Variants in SLA observed in about 807,000 individuals in gnomAD.
SLA encodes Src like adaptor.
SLA carries 16 observed loss-of-function variants against 30.3 expected under a neutral mutation model. The ratio of observed to expected loss-of-function variants is 0.53; its 90% confidence interval spans 0.36 to 0.80. The LOEUF is 0.80. Ranked by LOEUF, SLA falls within the 30% of genes least tolerant of loss-of-function variation. The probability of loss-of-function intolerance (pLI) is 0.01; values close to 1 mark genes in which losing one functional copy is unlikely to be tolerated. For synonymous variants in SLA, 143 were observed against 137.8 expected (o/e 1.04, Z -0.26); for missense variants, 310 against 345.2 (o/e 0.90, Z 0.81).
chr8:133,050,516 C>T (rs1298294831), intron 4 of SLA: 1 of 318,828 alleles, frequency 3.1e-6, no homozygotes. Context: ...TACATAACAT[C>T]AACACTGCAC....
chr8:133,097,057 A>G (rs1160105942), intron 1 of SLA, among the ~76,000 whole-genome samples: 3 of 152,234 alleles, frequency 2.0e-5, no homozygotes, highest in African/African-American at 7.2e-5. Flanking sequence ...AAAGCCTTGT[A>G]GGTGGTCAAG....
intron 2 of SLA, among the ~76,000 whole-genome samples, chr8:133,072,552 G>T (rs1844227823): frequency 6.6e-6 from 1 of 152,198 alleles, no homozygotes; most frequent in Admixed American, 6.5e-5. Context: ...AAATATGCTG[G>T]AAGTTTTGAT....
At chr8:133,044,639 A>G (rs1838960326) in intron 7 of SLA, among the ~76,000 whole-genome samples, 1 of 152,118 alleles carries the variant, frequency 6.6e-6, no homozygotes, top group East Asian at 1.9e-4. Flanking sequence ...AAAAGGGGAA[A>G]TGAGTGGCAC....
At chr8:133,076,092 GA>G (rs1346652078) in intron 1 of SLA, 1 of 152,200 alleles carries the variant, frequency 6.6e-6, no homozygotes, top group Non-Finnish European at 1.5e-5. Flanking sequence ...CTGGAATGCT[GA>G]CCCCAAGATT....
At chr8:133,059,213 A>T (rs1842005683) in intron 3 of SLA, 1 of 448,104 alleles carries the variant, frequency 2.2e-6, no homozygotes, top group Non-Finnish European at 4.5e-6. Flanking sequence ...ATGGGACACC[A>T]GGCCCCAAAT....
intron 1 of SLA, among the ~76,000 whole-genome samples, chr8:133,088,068 G>T (rs1846889019): frequency 6.6e-6 from 1 of 152,218 alleles, no homozygotes; most frequent in South Asian, 2.1e-4. Context: ...GGTAGTGGGA[G>T]TTTAAAGGAG....
At chr8:133,061,407 T>C (rs2131337990) in intron 2 of SLA, among the ~76,000 whole-genome samples, 1 of 152,342 alleles carries the variant, frequency 6.6e-6, no homozygotes, top group Middle Eastern at 3.4e-3. Flanking sequence ...GGAACCACTT[T>C]GAACGTGGCG....
chr8:133,073,782 C>A (rs754486374), intron 2 of SLA, among the ~76,000 whole-genome samples: 1 of 152,122 alleles, frequency 6.6e-6, no homozygotes, highest in African/African-American at 2.4e-5. Context: ...TGAGGCTCCC[C>A]CAACCCTTTA....
intron 6 of SLA, 50 bp from the exon 7 acceptor site, chr8:133,045,165 A>T: frequency 6.2e-7 from 1 of 1,607,048 alleles, no homozygotes; most frequent in Non-Finnish European, 8.5e-7. Flanking sequence ...CCTCACCCCA[A>T]GGCACCCAGC....
intron 3 of SLA, among the ~76,000 whole-genome samples, chr8:133,053,705 C>A (rs1840851024): frequency 6.6e-6 from 1 of 152,104 alleles, no homozygotes; most frequent in South Asian, 2.1e-4. Context: ...AAAACAAAAA[C>A]CAACAGAAAC....
chr8:133,061,105 G>C (rs891807202), intron 2 of SLA, among the ~76,000 whole-genome samples: 34 of 152,190 alleles, frequency 2.2e-4, no homozygotes, highest in African/African-American at 8.0e-4. Context: ...CTGCCTCCCG[G>C]GTTCAAGCGA....
rs149722903 is a variant in SLA, at chr8:133,064,721, G to T, written c.-40-4521C>A. ...CCTCCTCTTAATAGGTTTCTGTTTC[G>T]CAGATCTGGGTCCTTTCATTGTGTG... On this transcript the variant is annotated intron_variant, in intron 2 of 8. Coordinates refer to ENST00000338087, the MANE Select transcript of SLA (RefSeq NM_001045556.3). 7.9e-5 allele frequency among the ~76,000 whole-genome samples: 12 copies of T among 152,294 alleles called. No individual in the cohort carries two copies. The South Asian group carries it at 2.1e-3, about 26-fold the overall frequency.
At chr8:133,102,481 C>A in intron 1 of SLA, 72 bp downstream of exon 1, 1 of 1,382,422 alleles carries the variant, frequency 7.2e-7, no homozygotes, top group Admixed American at 2.0e-5. Context: ...TGAAGACCCT[C>A]CCCCACATAC....
chr8:133,056,544 G>C (rs1336664935), intron 3 of SLA, among the ~76,000 whole-genome samples: 1 of 152,190 alleles, frequency 6.6e-6, no homozygotes, highest in Non-Finnish European at 1.5e-5. Flanking sequence ...AGGGACCCTG[G>C]AGTCAGACCA....
In SLA at chr8:133,066,966, G is replaced by C. The variant is rs543013996; in HGVS notation, c.-40-6766C>G. 2.4e-4 allele frequency among the ~76,000 whole-genome samples: 37 copies of C among 152,284 alleles called. No homozygotes were observed. In the South Asian group the frequency reaches 7.0e-3, roughly 29 times the overall value. On this transcript the variant is annotated intron_variant, in intron 2 of 8. Coordinates refer to ENST00000338087, the MANE Select transcript of SLA (RefSeq NM_001045556.3). ...CTCAAATCTGATGGGGAAAGGGTTG[G>C]GCTGAACAGTTGGTCATGGCTCTTT...
chr8:133,042,342 A>G (rs1838418698), intron 7 of SLA, among the ~76,000 whole-genome samples: 1 of 152,080 alleles, frequency 6.6e-6, no homozygotes, highest in African/African-American at 2.4e-5. Context: ...CAACAGCTCT[A>G]TATTGAAGGG....
At chr8:133,096,181 C>A (rs58129311) in intron 1 of SLA, 8 of 1,613,926 alleles carry the variant, frequency 5.0e-6, no homozygotes, top group Non-Finnish European at 5.9e-6. Context: ...TCCAGGACAA[C>A]TGATTATTGT....
At chr8:133,041,002 C>T (rs555082593) in intron 7 of SLA, among the ~76,000 whole-genome samples, 6 of 152,310 alleles carry the variant, frequency 3.9e-5, no homozygotes, top group East Asian at 1.9e-4. Context: ...ATGTAGCTTC[C>T]GTCTCTTGGA....
intron 2 of SLA, among the ~76,000 whole-genome samples, chr8:133,066,979 G>A (rs1843124437): frequency 6.6e-6 from 1 of 152,184 alleles, no homozygotes; most frequent in Admixed American, 6.5e-5. Flanking sequence ...TGAACAGTTG[G>A]TCATGGCTCT....
Sources: allele counts gnomAD v4.1 joint callset (sites outside exome capture counted in the v4.1 genomes callset), GRCh38; gene constraint gnomAD v4.1.1; transcripts MANE v1.5; gene names NCBI Gene and HGNC (gene_info 2026-07-23, HGNC 2026-07-21).